The following ISX variants were observed in gnomAD, a reference collection of about 807,000 sequenced individuals.
ISX encodes the protein intestine-specific homeobox.
Under a neutral mutation model 16.9 loss-of-function variants are expected in ISX, and 15 were observed. The ratio of observed to expected loss-of-function variants is 0.89; its 90% CI spans 0.59 to 1.36. The LOEUF (loss-of-function observed/expected upper bound fraction) is 1.36. Ranked by LOEUF, ISX falls within the 40% of genes most tolerant of loss-of-function variation. The pLI, the probability that ISX is intolerant of heterozygous loss-of-function variation, is 0.00. For synonymous variants in ISX, 125 were observed against 119.7 expected (o/e 1.04, Z -0.29); for missense variants, 316 against 306.1 (o/e 1.03, Z -0.24).
Position 35,085,830 on chromosome 22 carries a change from G to T in ISX, c.*137G>T, listed in dbSNP as rs1386086962. On this transcript the variant is annotated 3_prime_UTR_variant, in exon 5 of 5. Coordinates refer to ENST00000404699, the MANE Select transcript of ISX (RefSeq NM_001303508.2). ...CAGCCCAGGAAGCTACCCTGAACAT[G>T]CCAGTTGGAAGGCTGCACCAGACTC... 1.8e-6 allele frequency: 2 copies of T among 1,081,480 alleles called. No homozygotes were observed. Among genetic ancestry groups the T allele is most frequent in the Non-Finnish European group, 1.4e-6 (1 of 736,570 alleles). 67.0% of individuals were successfully genotyped at this position (1,081,480 alleles called of 1,614,324 possible). A position where few individuals can be genotyped will look rare whatever the true frequency, so the allele number is the denominator to read the frequency against.
At chr22:35,078,084 T>TTCTA (rs1161726708) in intron 2 of ISX, among the ~76,000 whole-genome samples, 1 of 152,116 alleles carries the variant, frequency 6.6e-6, no homozygotes, top group Non-Finnish European at 1.5e-5. Context: ...TCTCCCACAG[T>TTCTA]TCTATAGTCC....
chr22:35,076,179 C>T (rs1928975752), intron 2 of ISX, among the ~76,000 whole-genome samples: 1 of 152,002 alleles, frequency 6.6e-6, no homozygotes, highest in Non-Finnish European at 1.5e-5. Context: ...TTGATTTGAG[C>T]TTTGACGGAT....
intron 2 of ISX, among the ~76,000 whole-genome samples, chr22:35,076,063 C>T (rs925460648): frequency 6.0e-5 from 9 of 151,070 alleles, no homozygotes; most frequent in African/African-American, 2.2e-4. Context: ...ATATGGAAGC[C>T]AGTTTGTTGT....
chr22:35,075,129 A>G (rs1928948732), intron 2 of ISX, among the ~76,000 whole-genome samples: 1 of 152,250 alleles, frequency 6.6e-6, no homozygotes, highest in African/African-American at 2.4e-5. Context: ...TGAACTCTGC[A>G]TAACACCATC....
chr22:35,073,804 G>A (rs894631316), intron 2 of ISX, among the ~76,000 whole-genome samples: 13 of 152,254 alleles, frequency 8.5e-5, no homozygotes, highest in African/African-American at 3.1e-4. Context: ...GCCAGCCCAC[G>A]CTGGCCTTGT....
intron 2 of ISX, among the ~76,000 whole-genome samples, chr22:35,076,039 A>AT (rs536527092): frequency 1.3e-5 from 2 of 151,728 alleles, no homozygotes; most frequent in African/African-American, 2.4e-5. Context: ...CTCATAGAAA[A>AT]TTTTTTTTTA....
At chr22:35,076,246 C>T (rs181497266) in intron 2 of ISX, among the ~76,000 whole-genome samples, 27 of 152,162 alleles carry the variant, frequency 1.8e-4, no homozygotes, top group Middle Eastern at 3.4e-3. Flanking sequence ...TCAGGAAGCG[C>T]AGAACAAGGA....
chr22:35,084,393 A>C lies in ISX; in HGVS notation c.392A>C (p.Gln131Pro), dbSNP rs1023861007. 1 of 1,613,328 alleles carries C rather than the reference A, an allele frequency of 6.2e-7. No individual in the cohort carries two copies. Among genetic ancestry groups the C allele is most frequent in the Non-Finnish European group, 8.5e-7 (1 of 1,179,452 alleles). Residue 131 changes from glutamine to proline, a missense_variant, in exon 4 of 5, where the codon CAG becomes CCG. Physicochemically the swap from Gln to Pro is moderately conservative, Grantham distance 76 (BLOSUM62 -1). Coordinates refer to ENST00000404699, the MANE Select transcript of ISX (RefSeq NM_001303508.2). ...LPEARVQIWF[Q>P]NQRAKWRKQE... Reference sequence around the variant, plus strand: ...TCTCCCTGATTACAGATCTGGTTCCAGAATCAGCGAGCCAAGTGGCGGAAG... The same window carrying C: ...TCTCCCTGATTACAGATCTGGTTCCCGAATCAGCGAGCCAAGTGGCGGAAG...
At chr22:35,081,638 G>C (rs1480573004) in intron 2 of ISX, among the ~76,000 whole-genome samples, 1 of 152,162 alleles carries the variant, frequency 6.6e-6, no homozygotes, top group Non-Finnish European at 1.5e-5. Context: ...GGGGTTCATG[G>C]AGGGTTGAGG....
intron 2 of ISX, among the ~76,000 whole-genome samples, chr22:35,076,175 T>G (rs142869711): frequency 6.6e-6 from 1 of 152,046 alleles, no homozygotes; most frequent in Non-Finnish European, 1.5e-5. Flanking sequence ...TTGATTGATT[T>G]GAGCTTTGAC....
chr22:35,081,875 C>T (rs1416192441), intron 2 of ISX, among the ~76,000 whole-genome samples: 1 of 152,186 alleles, frequency 6.6e-6, no homozygotes. Flanking sequence ...GAGCAATAGG[C>T]CCCACATTTT....
At position 35,085,513 on chromosome 22, in the gene ISX, A is replaced by G; in HGVS notation, c.558A>G (p.Pro186=). The G allele has an allele frequency of 1.2e-6, 2 of 1,614,166 alleles. No homozygotes were observed. The highest frequency in any genetic ancestry group is 8.5e-7 in the Non-Finnish European group (1 of 1,180,018). ...TGGCTCCTCCCACGAGCTGTTGTCC[A>G]TCGGCTCAAGATCAGCTGGCCTCTG... ...RRLAPPTSCC[P]SAQDQLASAW... The change falls in exon 5 of 5, where the codon CCA becomes CCG. Residue 186 remains proline, a synonymous_variant. Transcript: ENST00000404699.
chr22:35,080,164 C>T (rs1314140956), intron 2 of ISX, among the ~76,000 whole-genome samples: 1 of 152,176 alleles, frequency 6.6e-6, no homozygotes, highest in Non-Finnish European at 1.5e-5. Context: ...ACTGCTGAAC[C>T]TCTACATGGT....
chr22:35,078,659 G>A (rs1054978043), intron 2 of ISX, among the ~76,000 whole-genome samples: 7 of 152,184 alleles, frequency 4.6e-5, no homozygotes, highest in Non-Finnish European at 1.0e-4. Flanking sequence ...GTGAGCGAAA[G>A]TACTTTGAAA....
intron 2 of ISX, among the ~76,000 whole-genome samples, chr22:35,080,330 T>C (rs1929096302): frequency 6.6e-6 from 1 of 152,174 alleles, no homozygotes; most frequent in African/African-American, 2.4e-5. Flanking sequence ...GCTCCAAACT[T>C]ATCAATGCAT....
chr22:35,076,463 G>A (rs1928982404), intron 2 of ISX, among the ~76,000 whole-genome samples: 1 of 152,178 alleles, frequency 6.6e-6, no homozygotes, highest in East Asian at 1.9e-4. Flanking sequence ...GCGAAATGAG[G>A]CCAGCGCAGG....
chr22:35,084,301 T>G, intron 3 of ISX, 82 bp from the exon 4 acceptor site: 1 of 860,238 alleles, frequency 1.2e-6, no homozygotes, highest in Non-Finnish European at 1.9e-6. Flanking sequence ...CCTTGGAAGG[T>G]GTAGTTATTA....
chr22:35,084,393 A>G lies in ISX; in HGVS notation c.392A>G (p.Gln131Arg). 1 of 1,613,446 alleles carries G rather than the reference A, an allele frequency of 6.2e-7. No homozygotes were observed. Among genetic ancestry groups the G allele is most frequent in the South Asian group, 1.1e-5 (1 of 90,994 alleles). ...TCTCCCTGATTACAGATCTGGTTCC[A>G]GAATCAGCGAGCCAAGTGGCGGAAG... is the stretch of plus-strand genomic sequence containing the variant. ...LPEARVQIWFQNQRAKWRKQE... is the reference protein window; with the variant it reads ...LPEARVQIWFRNQRAKWRKQE... The change falls in exon 4 of 5, where the codon CAG becomes CGG. Residue 131 changes from glutamine (Q) to arginine (R), a missense_variant. Gln to Arg is a conservative substitution (Grantham distance 43, BLOSUM62 1). Coordinates refer to ENST00000404699, the MANE Select transcript of ISX (RefSeq NM_001303508.2).
At chr22:35,079,179 T>C (rs1929063267) in intron 2 of ISX, among the ~76,000 whole-genome samples, 2 of 152,254 alleles carry the variant, frequency 1.3e-5, no homozygotes, top group African/African-American at 4.8e-5. Context: ...ACTGAGTGTC[T>C]ACTCCAATTC....
Sources: allele counts gnomAD v4.1 joint callset (sites outside exome capture counted in the v4.1 genomes callset), GRCh38; gene constraint gnomAD v4.1.1; transcripts MANE v1.5; gene names NCBI Gene and HGNC (gene_info 2026-07-23, HGNC 2026-07-21).